Variants in ENTPD5 observed in about 807,000 individuals in gnomAD.
The protein encoded by ENTPD5 is nucleoside diphosphate phosphatase ENTPD5.
In ENTPD5, 49 loss-of-function variants were observed where a neutral mutation model predicts 60.2. The ratio of observed to expected loss-of-function variants is 0.81; its 90% CI spans 0.65 to 1.03. The LOEUF (loss-of-function observed/expected upper bound fraction) is 1.03, where lower values mean the gene tolerates loss of function less well. Among genes scored for constraint, ENTPD5 ranks in the 50% least tolerant of loss-of-function variants. The pLI, the probability that ENTPD5 is intolerant of heterozygous loss-of-function variation, is 0.00. For missense variants in ENTPD5, 480 were observed against 507.6 expected, an observed-to-expected ratio of 0.95 and a Z score of 0.52; for synonymous variants, 187 against 185.4, an observed-to-expected ratio of 1.01 and a Z score of -0.07.
chr14:74,011,213 G>A, intron 2 of ENTPD5, 63 bp from the exon 3 acceptor site: 1 of 338,954 alleles, frequency 3.0e-6, no homozygotes, highest in South Asian at 1.2e-4. Context: ...CTGTCAGTAT[G>A]CCTACTTTTG....
intron 6 of ENTPD5, among the ~76,000 whole-genome samples, chr14:73,981,494 G>GTATA (rs140409853): frequency 1.3e-4 from 19 of 147,448 alleles, no homozygotes; most frequent in East Asian, 6.0e-4. Context: ...AAAAAAAAAT[G>GTATA]TATATATATA....
Position 73,970,129 on chromosome 14 carries a change from A to T in ENTPD5, c.1085-4T>A. 1 of 1,599,156 alleles carries T rather than the reference A, an allele frequency of 6.3e-7. No homozygotes were observed. Among genetic ancestry groups the T allele is most frequent in the Non-Finnish European group, 8.6e-7 (1 of 1,166,506 alleles). ...AAGTTTTCCAAGTTATCACACACTG[A>T]AAGAGAGAGTAAACAGTGGAGCTCA... On this transcript the variant is annotated splice_polypyrimidine_tract_variant and splice_region_variant and intron_variant, in intron 14 of 15. Coordinates refer to ENST00000334696, the MANE Select transcript of ENTPD5 (RefSeq NM_001249.5).
chr14:74,016,554 T>TA (rs1360552404), intron 1 of ENTPD5, among the ~76,000 whole-genome samples: 1 of 151,980 alleles, frequency 6.6e-6, no homozygotes, highest in Non-Finnish European at 1.5e-5. Context: ...GAGGATCACT[T>TA]AAGTCCAGGA....
At chr14:73,971,823 T>C (rs1428290486) in intron 14 of ENTPD5, 29 bp downstream of exon 14, 2 of 1,555,656 alleles carry the variant, frequency 1.3e-6, no homozygotes, top group South Asian at 1.1e-5. Flanking sequence ...CTCACAGGCT[T>C]ACCTTCAAGG....
At chr14:73,975,027 G>A in intron 10 of ENTPD5, 42 bp from the exon 11 acceptor site, 2 of 1,474,914 alleles carry the variant, frequency 1.4e-6, no homozygotes, top group Non-Finnish European at 1.9e-6. Flanking sequence ...TGGTCCTGAA[G>A]TTCTCTAGCC....
chr14:73,973,066 T>TG (rs1273576315), intron 12 of ENTPD5, 42 bp from the exon 13 acceptor site: 4 of 1,608,250 alleles, frequency 2.5e-6, no homozygotes, highest in Non-Finnish European at 3.4e-6. Flanking sequence ...AGAACGACGC[T>TG]GGGGGAAGGG....
At chr14:73,985,316 C>T (rs917908476) in intron 5 of ENTPD5, among the ~76,000 whole-genome samples, 31 of 152,168 alleles carry the variant, frequency 2.0e-4, no homozygotes, top group Non-Finnish European at 1.0e-4. Context: ...GGAATCACCA[C>T]GCTGTCTTCC....
Position 73,987,983 on chromosome 14 carries a change from G to C in ENTPD5, c.120C>G (p.Pro40=), listed in dbSNP as rs1022479212. The change falls in exon 4 of 16, where the codon CCC becomes CCG. Residue 40 remains proline, a synonymous_variant. Transcript: ENST00000334696. ...FEGIFLSSMC[P]INVSASTLYG... ...ACAAGGTGCTGGCGCTGACATTGAT[G>C]GGGCACATGGAAGACAGGAAGATAC... 1 of 1,614,130 alleles carries C rather than the reference G, an allele frequency of 6.2e-7. No individual in the cohort carries two copies. Among genetic ancestry groups the C allele is most frequent in the Non-Finnish European group, 8.5e-7 (1 of 1,180,028 alleles).
At chr14:73,969,861 T>C in intron 15 of ENTPD5, 149 bp downstream of exon 15, 1 of 531,468 alleles carries the variant, frequency 1.9e-6, no homozygotes, top group East Asian at 2.8e-5. Context: ...CCCACATTCA[T>C]GGTGCCCAGC....
Position 73,974,908 on chromosome 14 carries a change from A to C in ENTPD5, c.784+16T>G. On this transcript the variant is annotated intron_variant, in intron 11 of 15. Transcript: ENST00000334696. The stretch of plus-strand genomic sequence containing the variant: ...CACCCTCACCATCCCCCCCCAGCAC[A>C]GGTACCCAGACAAACCTTCTGTCTC... The C allele has an allele frequency of 6.2e-7, 1 of 1,608,708 alleles. No individual in the cohort carries two copies. The highest frequency in any genetic ancestry group is 8.5e-7 in the Non-Finnish European group (1 of 1,175,452).
downstream of ENTPD5, chr14:73,962,835 A>G (rs2056810689): frequency 1.3e-5 from 9 of 719,668 alleles, no homozygotes; most frequent in South Asian, 1.5e-4. Context: ...GTGTATATGT[A>G]TGTATATTTT....
Position 74,014,387 on chromosome 14 carries a change from C to T in ENTPD5, c.-131+1437G>A, listed in dbSNP as rs116588910. ...GTGAGATCCAGTCTTTACTCCCCCC[C>T]CCCACAAAAAAAAGTTAGCTGGGCA... On this transcript the variant is annotated intron_variant, in intron 2 of 15. Transcript: ENST00000334696. Among the ~76,000 whole-genome samples, 8 of 149,032 alleles carry T rather than the reference C, an allele frequency of 5.4e-5. No homozygotes were observed. The East Asian group carries it at 6.0e-4, about 11-fold the overall frequency.
Position 74,017,173 on chromosome 14 carries a change from C to T in ENTPD5, c.-237-1243G>A, listed in dbSNP as rs527975989. Among the ~76,000 whole-genome samples, 5 of 152,294 alleles carry T rather than the reference C, an allele frequency of 3.3e-5. No homozygotes were observed. The South Asian group carries it at 1.0e-3, about 32-fold the overall frequency. ...GTGTCTACTAAAATTACAAAAGTAG[C>T]CGGGCATGGTGGCGCATGCCTGGAT... On this transcript the variant is annotated intron_variant, in intron 1 of 15. Transcript: ENST00000334696.
downstream of ENTPD5, chr14:73,961,483 G>A: frequency 6.2e-7 from 1 of 1,614,212 alleles, no homozygotes; most frequent in Middle Eastern, 1.6e-4. Context: ...CCATCCGCTT[G>A]CAGGACAGGG....
Position 73,987,990 on chromosome 14 carries a change from A to G in ENTPD5, c.113T>C (p.Met38Thr), listed in dbSNP as rs1308374802. 1.2e-6 allele frequency: 2 copies of G among 1,614,192 alleles called. No homozygotes were observed. The highest frequency in any genetic ancestry group is 2.2e-5 in the South Asian group (2 of 91,070). The change falls in exon 4 of 16, where the codon ATG becomes ACG. Residue 38 changes from methionine to threonine, a missense_variant. Transcript: ENST00000334696. Reference protein sequence around the residue: ...TWFEGIFLSSMCPINVSASTL... With the variant: ...TWFEGIFLSSTCPINVSASTL... Reference sequence around the variant, plus strand: ...GCTGGCGCTGACATTGATGGGGCACATGGAAGACAGGAAGATACCCTCAAA... The same window carrying G: ...GCTGGCGCTGACATTGATGGGGCACGTGGAAGACAGGAAGATACCCTCAAA...
chr14:73,983,250 G>C, intron 5 of ENTPD5, 89 bp from the exon 6 acceptor site: 1 of 1,375,532 alleles, frequency 7.3e-7, no homozygotes, highest in Non-Finnish European at 9.8e-7. Context: ...GTGGGAGCAA[G>C]AAGAGGGAGG....
At chr14:74,018,561 A>C (rs1487121539) in intron 1 of ENTPD5, 1 of 152,254 alleles carries the variant, frequency 6.6e-6, no homozygotes, top group African/African-American at 2.4e-5. Context: ...TCGGGATTTC[A>C]GGAGTCGGGG....
chr14:73,962,809 C>A, downstream of ENTPD5: 1 of 646,250 alleles, frequency 1.5e-6, no homozygotes, highest in Non-Finnish European at 2.8e-6. Context: ...AGAGTGAGAC[C>A]CTGTCTCTAA....
intron 2 of ENTPD5, among the ~76,000 whole-genome samples, chr14:74,014,623 T>A (rs1381708246): frequency 6.6e-6 from 1 of 152,216 alleles, no homozygotes; most frequent in African/African-American, 2.4e-5. Context: ...ATTGAATGTT[T>A]TAAATTTTTA....
Sources: allele counts gnomAD v4.1 joint callset (sites outside exome capture counted in the v4.1 genomes callset), GRCh38; gene constraint gnomAD v4.1.1; transcripts MANE v1.5; gene names NCBI Gene and HGNC (gene_info 2026-07-23, HGNC 2026-07-21).